Variants in IL1R1 observed in about 807,000 individuals in gnomAD.
IL1R1 encodes interleukin 1 receptor type 1.
In IL1R1, 22 loss-of-function variants were observed where a neutral mutation model predicts 50.2. That is an observed-to-expected ratio of 0.44 (90% CI 0.31 to 0.63). The LOEUF is 0.63. IL1R1 is among the 20% of genes least tolerant of loss of function. The pLI is 0.07. For synonymous variants in IL1R1, 251 were observed against 236.7 expected (o/e 1.06, Z -0.55); for missense variants, 509 against 676.2 (o/e 0.75, Z 2.74).
At chr2:102,107,576 G>T (rs1237288491) in intron 1 of IL1R1, among the ~76,000 whole-genome samples, 1 of 151,932 alleles carries the variant, frequency 6.6e-6, no homozygotes, top group Non-Finnish European at 1.5e-5. Context: ...CACCAACATG[G>T]CACATGTATA....
chr2:102,103,956 A>AATGTCTGT, upstream of IL1R1, among the ~76,000 whole-genome samples: 1 of 136,922 alleles, frequency 7.3e-6, no homozygotes, highest in Non-Finnish European at 1.5e-5. Flanking sequence ...GTGACATTGC[A>AATGTCTGT]CTCCAGCCTG....
upstream of IL1R1, among the ~76,000 whole-genome samples, chr2:102,140,128 A>T (rs1461596673): frequency 6.6e-6 from 1 of 152,254 alleles, no homozygotes; most frequent in Non-Finnish European, 1.5e-5. Context: ...TTTATGATGT[A>T]AACCTTATGG....
intron 1 of IL1R1, among the ~76,000 whole-genome samples, chr2:102,131,984 G>C (rs923439435): frequency 1.3e-5 from 2 of 152,102 alleles, no homozygotes; most frequent in African/African-American, 4.8e-5. Flanking sequence ...CAGTGACACA[G>C]ATGGTAGCAG....
intron 1 of IL1R1, among the ~76,000 whole-genome samples, chr2:102,143,342 G>A (rs1682839647): frequency 6.6e-6 from 1 of 152,172 alleles, no homozygotes; most frequent in African/African-American, 2.4e-5. Flanking sequence ...GTTCAGGAGC[G>A]TCCCTCTTAG....
chr2:102,097,558 A>T (rs1679959984), intron 1 of IL1R1, among the ~76,000 whole-genome samples: 1 of 152,192 alleles, frequency 6.6e-6, no homozygotes, highest in Non-Finnish European at 1.5e-5. Context: ...ATGAACAGGG[A>T]TGTATAACTA....
chr2:102,120,028 G>A (rs1007895093), intron 1 of IL1R1, among the ~76,000 whole-genome samples: 3 of 151,936 alleles, frequency 2.0e-5, no homozygotes, highest in Admixed American at 1.3e-4. Flanking sequence ...GAACTCTGTC[G>A]TGGCCCCTTC....
intron 1 of IL1R1, among the ~76,000 whole-genome samples, chr2:102,117,168 T>C (rs527310678): frequency 2.6e-5 from 4 of 152,338 alleles, no homozygotes; most frequent in Non-Finnish European, 5.9e-5. Context: ...ACTGTACTTA[T>C]GGTACGCCTG....
intron 1 of IL1R1, among the ~76,000 whole-genome samples, chr2:102,088,586 C>A (rs1679529223): frequency 6.6e-6 from 1 of 152,182 alleles, no homozygotes. Flanking sequence ...ACGTTGGCGT[C>A]AACTTAAAGT....
intron 1 of IL1R1, among the ~76,000 whole-genome samples, chr2:102,088,727 A>G (rs1020851617): frequency 2.0e-5 from 3 of 152,222 alleles, no homozygotes. Context: ...TGTTTTGTCT[A>G]CATTGCAAAT....
intron 1 of IL1R1, among the ~76,000 whole-genome samples, chr2:102,085,742 T>C (rs1372868347): frequency 6.6e-6 from 1 of 152,098 alleles, no homozygotes; most frequent in Non-Finnish European, 1.5e-5. Flanking sequence ...TCCCACAAAA[T>C]ACCAACAGCG....
intron 9 of IL1R1, among the ~76,000 whole-genome samples, chr2:102,173,950 C>G (rs1164953538): frequency 6.6e-6 from 1 of 152,270 alleles, no homozygotes; most frequent in East Asian, 1.9e-4. Flanking sequence ...AATGGTATAA[C>G]TTGATTTCTG....
At chr2:102,100,222 T>G (rs1370249749), upstream of IL1R1, among the ~76,000 whole-genome samples, 1 of 152,214 alleles carries the variant, frequency 6.6e-6, no homozygotes, top group Non-Finnish European at 1.5e-5. Flanking sequence ...CTTTGGAAAA[T>G]GTATTCCTTC....
chr2:102,155,637 CA>C (rs1684114116), intron 2 of IL1R1, among the ~76,000 whole-genome samples: 1 of 152,150 alleles, frequency 6.6e-6, no homozygotes, highest in Admixed American at 6.5e-5. Context: ...ACATGGATCC[CA>C]AAAGCCCGCT....
At chr2:102,138,852 C>A (rs997611346), upstream of IL1R1, among the ~76,000 whole-genome samples, 2 of 151,864 alleles carry the variant, frequency 1.3e-5, no homozygotes, top group African/African-American at 2.4e-5. Context: ...TCACAGAGGC[C>A]CTCTGTGCAA....
At chr2:102,112,420 T>C (rs947876649) in intron 1 of IL1R1, among the ~76,000 whole-genome samples, 1 of 151,690 alleles carries the variant, frequency 6.6e-6, no homozygotes, top group African/African-American at 2.4e-5. Flanking sequence ...ATGGATCAGG[T>C]TTCCATGGAC....
chr2:102,166,035 A>T (rs1685152325), intron 5 of IL1R1, 78 bp from the exon 6 acceptor site: 2 of 1,267,078 alleles, frequency 1.6e-6, no homozygotes, highest in Non-Finnish European at 2.2e-6. Context: ...AAGGTGAAAA[A>T]AATGGAGCTC....
chr2:102,132,996 G>C (rs1044996878), intron 1 of IL1R1, among the ~76,000 whole-genome samples: 1 of 149,368 alleles, frequency 6.7e-6, no homozygotes, highest in Non-Finnish European at 1.5e-5. Flanking sequence ...TGTAATCCTA[G>C]CACTTTGGGA....
chr2:102,127,845 T>C (rs1681809876), intron 1 of IL1R1, among the ~76,000 whole-genome samples: 1 of 152,208 alleles, frequency 6.6e-6, no homozygotes, highest in Admixed American at 6.5e-5. Flanking sequence ...CAAGTTTGGA[T>C]AGAACTTTTT....
At chr2:102,162,359 G>A (rs3917267) in intron 3 of IL1R1, among the ~76,000 whole-genome samples, 49,271 of 151,914 alleles carry the variant, frequency 0.32, 8,884 homozygotes, top group East Asian at 0.5. Flanking sequence ...GATCATTTCC[G>A]CCTTTCAATG....
Sources: allele counts gnomAD v4.1 joint callset (sites outside exome capture counted in the v4.1 genomes callset), GRCh38; gene constraint gnomAD v4.1.1; transcripts MANE v1.5; gene names NCBI Gene and HGNC (gene_info 2026-07-23, HGNC 2026-07-21).